The following FUBP1 variants were observed in gnomAD, a reference collection of about 807,000 sequenced individuals.
The protein encoded by FUBP1 is far upstream element-binding protein 1.
In FUBP1, 16 loss-of-function variants were observed where a neutral mutation model predicts 94.9. That is an observed-to-expected ratio of 0.17 (90% CI 0.11 to 0.26). FUBP1 has a LOEUF of 0.26. Ranked by LOEUF, FUBP1 falls within the 10% of genes least tolerant of loss-of-function variation. The probability of loss-of-function intolerance (pLI) is 1.00; values close to 1 mark genes in which losing one functional copy is unlikely to be tolerated. For missense variants in FUBP1, 583 were observed against 808.6 expected (o/e 0.72, Z 3.38); for synonymous variants, 279 against 254.9 (o/e 1.09, Z -0.90).
At chr1:77,960,034 C>T (rs1460168961) in intron 16 of FUBP1, 150 bp downstream of exon 16, 73 of 640,468 alleles carry the variant, frequency 1.1e-4, no homozygotes, top group Non-Finnish European at 4.7e-5. Flanking sequence ...CAGTCCTATA[C>T]ACTGGGGTAG....
chr1:77,952,732 A>G (rs1653714688), intron 18 of FUBP1, among the ~76,000 whole-genome samples: 1 of 152,244 alleles, frequency 6.6e-6, no homozygotes, highest in South Asian at 2.1e-4. Flanking sequence ...CAGTTAAGCA[A>G]CTAATCATTT....
At chr1:77,954,699 T>A (rs768059208) in intron 18 of FUBP1, among the ~76,000 whole-genome samples, 30 of 152,214 alleles carry the variant, frequency 2.0e-4, no homozygotes, top group Non-Finnish European at 3.4e-4. Context: ...GACATCTAGC[T>A]GTGGTATGTA....
At chr1:77,979,120 G>A, upstream of FUBP1, 1 of 1,058,944 alleles carries the variant, frequency 9.4e-7, no homozygotes, top group Non-Finnish European at 1.3e-6. Context: ...CGACCATCGT[G>A]CCGTAAAGGG....
At position 77,945,149 on chromosome 1, in the gene FUBP1, G is replaced by A. The variant is rs1304338147; in HGVS notation, c.*3617C>T. ...TGAAGGCTTATGGTAATGAATAAAAGAATTCTCATGAGACAGAAACAATGC... is the reference window on the plus strand; with the variant it reads ...TGAAGGCTTATGGTAATGAATAAAAAAATTCTCATGAGACAGAAACAATGC... On this transcript the variant is annotated 3_prime_UTR_variant, in exon 20 of 20. Transcript: ENST00000370768. 6.6e-6 allele frequency among the ~76,000 whole-genome samples: 1 copy of A among 151,776 alleles called. No individual in the cohort carries two copies. Among genetic ancestry groups the A allele is most frequent in the Non-Finnish European group, 1.5e-5 (1 of 67,816 alleles).
chr1:77,955,326 TCTC>T lies in FUBP1; in HGVS notation c.1706_1708del (p.Gly569del), dbSNP rs763421970. On this transcript the variant is annotated inframe_deletion and splice_region_variant, in exon 18 of 20. Transcript: ENST00000370768. The stretch of plus-strand genomic sequence containing the variant: ...TCCAGCTGGGGCTGGATTCTGCTGA[TCTC>T]CTTGTTCAAGCAAAACAAAACAAAA... 7 of 1,570,490 alleles carry T rather than the reference TCTC, an allele frequency of 4.5e-6. No individual in the cohort carries two copies. The East Asian group carries it at 1.6e-4, about 35-fold the overall frequency.
At chr1:77,975,431 C>A (rs1658415682) in intron 1 of FUBP1, among the ~76,000 whole-genome samples, 1 of 152,062 alleles carries the variant, frequency 6.6e-6, no homozygotes, top group Non-Finnish European at 1.5e-5. Context: ...AAAAAAACAG[C>A]TCTAGTCTAT....
chr1:77,955,457 G>A, intron 17 of FUBP1, 128 bp from the exon 18 acceptor site: 3 of 637,874 alleles, frequency 4.7e-6, no homozygotes, highest in Non-Finnish European at 8.5e-6. Context: ...GAAGTACTAT[G>A]TGGTGGTGGC....
At chr1:77,953,901 T>C (rs183491710) in intron 18 of FUBP1, among the ~76,000 whole-genome samples, 12 of 152,286 alleles carry the variant, frequency 7.9e-5, no homozygotes, top group Admixed American at 7.8e-4. Flanking sequence ...CCTAAATCCA[T>C]TAACAAGCCT....
Position 77,947,923 on chromosome 1 carries a change from G to A in FUBP1, c.*843C>T. 1.0e-6 allele frequency: 1 copy of A among 984,884 alleles called. No homozygotes were observed. Among genetic ancestry groups the A allele is most frequent in the Non-Finnish European group, 1.2e-6 (1 of 804,272 alleles). 61.0% of individuals were successfully genotyped at this position (984,884 alleles called of 1,614,324 possible). On this transcript the variant is annotated 3_prime_UTR_variant, in exon 20 of 20. Transcript: ENST00000370768. ...CACTAACATTATATACATTGAAAGA[G>A]TTGCTTCACATGGAAAAAAACTGTT...
chr1:77,954,959 T>A (rs1156303231), intron 18 of FUBP1, among the ~76,000 whole-genome samples: 1 of 152,184 alleles, frequency 6.6e-6, no homozygotes, highest in Non-Finnish European at 1.5e-5. Flanking sequence ...CATTAAAATT[T>A]AACCTTATGT....
chr1:77,974,341 C>T (rs2102503903), intron 1 of FUBP1, among the ~76,000 whole-genome samples: 1 of 152,094 alleles, frequency 6.6e-6, no homozygotes, highest in South Asian at 2.1e-4. Context: ...ACCGTGTTAG[C>T]CAGGACGGTC....
chr1:77,955,359 G>C lies in FUBP1; in HGVS notation c.1706-30C>G, dbSNP rs747223494. On this transcript the variant is annotated intron_variant, in intron 17 of 19. Coordinates refer to ENST00000370768, the MANE Select transcript of FUBP1 (RefSeq NM_003902.5). ...TTCAAGCAAAACAAAACAAAAAACA[G>C]AATTAAAGTTTTTAAAAGGCAATTT... 3 of 1,432,208 alleles carry C rather than the reference G, an allele frequency of 2.1e-6. No homozygotes were observed. In the South Asian group the frequency reaches 3.5e-5, roughly 17 times the overall value. 88.7% of individuals were successfully genotyped at this position (1,432,208 alleles called of 1,614,324 possible).
intron 18 of FUBP1, among the ~76,000 whole-genome samples, chr1:77,952,750 G>C (rs1276949274): frequency 6.6e-6 from 1 of 152,174 alleles, no homozygotes; most frequent in Admixed American, 6.5e-5. Flanking sequence ...TTTACAAAAA[G>C]AACTTTTATA....
chr1:77,952,752 AC>A (rs1362055206), intron 18 of FUBP1, among the ~76,000 whole-genome samples: 1 of 152,248 alleles, frequency 6.6e-6, no homozygotes, highest in Non-Finnish European at 1.5e-5. Context: ...TACAAAAAGA[AC>A]TTTTATAGAA....
chr1:77,975,293 T>G (rs562285183), intron 1 of FUBP1, among the ~76,000 whole-genome samples: 3 of 152,304 alleles, frequency 2.0e-5, no homozygotes, highest in South Asian at 2.1e-4. Context: ...TGAAGAAACG[T>G]GGACACTAGA....
chr1:77,968,901 G>A (rs1657012538), intron 2 of FUBP1: 1 of 371,486 alleles, frequency 2.7e-6, no homozygotes, highest in Non-Finnish European at 5.6e-6. Context: ...TCAGAATGTT[G>A]TGCAGCAAAA....
intron 4 of FUBP1, 26 bp downstream of exon 4, chr1:77,967,601 A>G: frequency 6.4e-7 from 1 of 1,562,826 alleles, no homozygotes; most frequent in Non-Finnish European, 8.8e-7. Flanking sequence ...CTTGCAGAGT[A>G]CTTTTTGAAA....
At chr1:77,964,849 A>C (rs1455503658) in intron 9 of FUBP1, 21 bp downstream of exon 9, 1 of 1,538,912 alleles carries the variant, frequency 6.5e-7, no homozygotes, top group South Asian at 1.1e-5. Flanking sequence ...CTTTCTTTAT[A>C]AAGTATAAAG....
Position 77,946,506 on chromosome 1 carries a change from T to C in FUBP1, c.*2260A>G, listed in dbSNP as rs999324684. The C allele has an allele frequency of 5.0e-6, 1 of 200,172 alleles. No individual in the cohort carries two copies. Among genetic ancestry groups the C allele is most frequent in the African/African-American group, 2.3e-5 (1 of 43,488 alleles). 12.4% of individuals were successfully genotyped at this position (200,172 alleles called of 1,614,324 possible). Reference sequence around the variant, plus strand: ...ATTAATGTATTGAAATATTTATTTATATATGTCCTTAGGTTGTGCTTACCT... The same window carrying C: ...ATTAATGTATTGAAATATTTATTTACATATGTCCTTAGGTTGTGCTTACCT... On this transcript the variant is annotated 3_prime_UTR_variant, in exon 20 of 20. Transcript: ENST00000370768.
Sources: allele counts gnomAD v4.1 joint callset (sites outside exome capture counted in the v4.1 genomes callset), GRCh38; gene constraint gnomAD v4.1.1; transcripts MANE v1.5; gene names NCBI Gene and HGNC (gene_info 2026-07-23, HGNC 2026-07-21).